The following ANO10 variants were observed in gnomAD, a reference collection of about 807,000 sequenced individuals.
The protein encoded by ANO10 is anoctamin-10.
ANO10 carries 77 observed loss-of-function variants against 74.7 expected under a neutral mutation model. The observed-to-expected ratio is 1.03, with a 90% CI of 0.86 to 1.25. The LOEUF (loss-of-function observed/expected upper bound fraction) is 1.25, where lower values mean the gene tolerates loss of function less well. Among genes scored for constraint, ANO10 ranks in the 50% most tolerant of loss-of-function variants. The probability of loss-of-function intolerance (pLI) is 0.00; values close to 1 mark genes in which losing one functional copy is unlikely to be tolerated. For missense variants in ANO10, 721 were observed against 778.1 expected, an observed-to-expected ratio of 0.93 and a Z score of 0.87; for synonymous variants, 279 against 284.9, an observed-to-expected ratio of 0.98 and a Z score of 0.21.
chr3:43,408,494 C>T (rs2092614497), intron 12 of ANO10, among the ~76,000 whole-genome samples: 1 of 152,170 alleles, frequency 6.6e-6, no homozygotes, highest in African/African-American at 2.4e-5. Flanking sequence ...CGACCTGCTC[C>T]TTTCATACCG....
At chr3:43,460,583 C>A (rs763879706) in intron 11 of ANO10, among the ~76,000 whole-genome samples, 7 of 152,196 alleles carry the variant, frequency 4.6e-5, no homozygotes, top group Non-Finnish European at 8.8e-5. Context: ...TGGAAAACCT[C>A]ACCCATATCA....
At chr3:43,576,035 G>C (rs1263406596) in intron 6 of ANO10, among the ~76,000 whole-genome samples, 1 of 152,126 alleles carries the variant, frequency 6.6e-6, no homozygotes, top group Non-Finnish European at 1.5e-5. Flanking sequence ...TAAATAAAGA[G>C]TCAATGGCCT....
At chr3:43,630,731 C>A (rs138836657) in intron 1 of ANO10, among the ~76,000 whole-genome samples, 1 of 152,190 alleles carries the variant, frequency 6.6e-6, no homozygotes, top group Non-Finnish European at 1.5e-5. Context: ...TTGTGACCTC[C>A]ATATTTAAAA....
chr3:43,470,552 C>T (rs1032746325), intron 11 of ANO10, among the ~76,000 whole-genome samples: 6 of 151,876 alleles, frequency 4.0e-5, no homozygotes, highest in African/African-American at 1.5e-4. Flanking sequence ...ACCGTGGTCT[C>T]GATCTCCTGA....
intron 4 of ANO10, among the ~76,000 whole-genome samples, chr3:43,590,171 G>A (rs2081663951): frequency 6.6e-6 from 1 of 152,176 alleles, no homozygotes; most frequent in Non-Finnish European, 1.5e-5. Flanking sequence ...TATACAAATT[G>A]AAAAGAATCA....
intron 1 of ANO10, among the ~76,000 whole-genome samples, chr3:43,671,204 G>C (rs1559394914): frequency 6.6e-6 from 1 of 152,106 alleles, no homozygotes; most frequent in African/African-American, 2.4e-5. Context: ...AACAAAAAAA[G>C]TTTATTTGGT....
In ANO10 at chr3:43,659,281, C is replaced by T. The variant is rs532457320; in HGVS notation, c.-12+32236G>A. On this transcript the variant is annotated intron_variant, in intron 1 of 3. Coordinates refer to the ANO10 transcript ENST00000413397. ...ACCTCACCCGAGAAGTGCAAGGGGT[C>T]GGGGCATTTCCCTTTCCTAGCCAAG... Among the ~76,000 whole-genome samples the T allele has an allele frequency of 7.2e-5, 11 of 152,238 alleles. No individual in the cohort carries two copies. The East Asian group carries it at 7.7e-4, about 11-fold the overall frequency.
At chr3:43,437,993 T>G (rs968259622) in intron 11 of ANO10, among the ~76,000 whole-genome samples, 1 of 152,146 alleles carries the variant, frequency 6.6e-6, no homozygotes, top group Non-Finnish European at 1.5e-5. Context: ...TAACTGTCTT[T>G]AAAAAGCTCA....
intron 11 of ANO10, among the ~76,000 whole-genome samples, chr3:43,538,289 T>C (rs992865360): frequency 6.6e-6 from 1 of 152,130 alleles, no homozygotes; most frequent in African/African-American, 2.4e-5. Flanking sequence ...CATTGACAAA[T>C]ATGAATTTAA....
chr3:43,377,091 T>A (rs2091830136), intron 12 of ANO10, among the ~76,000 whole-genome samples: 1 of 151,592 alleles, frequency 6.6e-6, no homozygotes, highest in Non-Finnish European at 1.5e-5. Flanking sequence ...TTTAAATTAC[T>A]TTTTTTTTGA....
intron 2 of ANO10, among the ~76,000 whole-genome samples, 159 bp from the exon 3 acceptor site, chr3:43,600,740 G>A (rs1018568700): frequency 2.6e-5 from 4 of 152,008 alleles, no homozygotes; most frequent in Non-Finnish European, 5.9e-5. Flanking sequence ...AGTACATTAG[G>A]GATGGCAGTT....
intron 11 of ANO10, among the ~76,000 whole-genome samples, chr3:43,453,807 A>G (rs62250916): frequency 0.017 from 2,592 of 152,208 alleles, 24 homozygotes; most frequent in Non-Finnish European, 0.027. Context: ...ACATTGGTCT[A>G]TAAGTCTGTC....
intron 11 of ANO10, among the ~76,000 whole-genome samples, chr3:43,443,827 T>C (rs1437092585): frequency 1.3e-5 from 2 of 151,766 alleles, no homozygotes; most frequent in Non-Finnish European, 2.9e-5. Flanking sequence ...ATTACAGGCA[T>C]GCACCACCAC....
intron 4 of ANO10, among the ~76,000 whole-genome samples, chr3:43,581,446 C>A (rs1402633438): frequency 2.6e-5 from 4 of 152,160 alleles, no homozygotes; most frequent in African/African-American, 9.7e-5. Flanking sequence ...ATTCTGTCAT[C>A]CACAGTAATT....
chr3:43,605,654 G>A, intron 2 of ANO10, 60 bp downstream of exon 2: 3 of 1,579,888 alleles, frequency 1.9e-6, no homozygotes, highest in Non-Finnish European at 1.7e-6. Context: ...TACAGTGTGG[G>A]AGGCTGAGCA....
chr3:43,460,891 G>C (rs1209030782), intron 11 of ANO10, among the ~76,000 whole-genome samples: 1 of 151,570 alleles, frequency 6.6e-6, no homozygotes, highest in African/African-American at 2.4e-5. Flanking sequence ...GCCAGAAAGA[G>C]TTCTTGGAAA....
chr3:43,549,771 T>G lies in ANO10; in HGVS notation c.1746A>C (p.Ala582=), dbSNP rs764228749. Residue 582 remains alanine, a synonymous_variant, in exon 11 of 13, where the codon GCA becomes GCC. Transcript: ENST00000292246. ...ALIGMSPQVN[A]VFPESKADLI... is the part of the protein sequence containing the mutation. ...GGTCTGCTTTTGATTCTGGAAAGAC[T>G]GCATTCACTTGTGGTGACATTCCAA... The G allele has an allele frequency of 3.1e-6, 5 of 1,614,048 alleles. No homozygotes were observed. The South Asian group carries it at 5.5e-5, about 18-fold the overall frequency.
At chr3:43,603,052 GACT>G (rs942769524) in intron 2 of ANO10, among the ~76,000 whole-genome samples, 2 of 152,142 alleles carry the variant, frequency 1.3e-5, no homozygotes, top group African/African-American at 4.8e-5. Flanking sequence ...AGGTGATTAT[GACT>G]ACATGTTATT....
intron 12 of ANO10, among the ~76,000 whole-genome samples, chr3:43,390,328 T>C (rs893813370): frequency 6.6e-6 from 1 of 152,220 alleles, no homozygotes; most frequent in Non-Finnish European, 1.5e-5. Flanking sequence ...GCAGAGCCAC[T>C]GCACAGGCTG....
Sources: gnomAD v4.1 joint callset for allele counts (sites outside exome capture counted in the v4.1 genomes callset) on GRCh38, gnomAD v4.1.1 for gene constraint, MANE v1.5 for transcripts, NCBI Gene and HGNC (gene_info 2026-07-23, HGNC 2026-07-21) for gene names.